The following CKLF variants were observed in gnomAD, a reference collection of about 807,000 sequenced individuals.
CKLF encodes the protein chemokine-like factor.
A neutral mutation model predicts 12.9 loss-of-function variants in CKLF; 16 were observed. The ratio of observed to expected loss-of-function variants is 1.24; its 90% CI spans 0.84 to 1.88. CKLF has a LOEUF of 1.88. CKLF is among the 40% of genes most tolerant of loss of function. The probability of loss-of-function intolerance (pLI) is 0.00; values close to 1 mark genes in which losing one functional copy is unlikely to be tolerated. For synonymous variants in CKLF, 61 were observed against 69.0 expected (o/e 0.88, Z 0.57); for missense variants, 172 against 188.5 (o/e 0.91, Z 0.51).
chr16:66,563,980 A>G (rs2011941955), intron 3 of CKLF, among the ~76,000 whole-genome samples: 2 of 152,242 alleles, frequency 1.3e-5, no homozygotes, highest in Non-Finnish European at 1.5e-5. Flanking sequence ...ACTCTCAGCC[A>G]TATATGTCAG....
At chr16:66,564,291 TG>T (rs1323194713) in intron 3 of CKLF, among the ~76,000 whole-genome samples, 1 of 152,184 alleles carries the variant, frequency 6.6e-6, no homozygotes, top group Non-Finnish European at 1.5e-5. Context: ...ACTGGAAATG[TG>T]GCTAGTCTGA....
downstream of CKLF, chr16:66,566,209 GGGT>G (rs1340014980): frequency 6.6e-7 from 1 of 1,504,550 alleles, no homozygotes; most frequent in Non-Finnish European, 8.8e-7. This position sits in a 1 kb window ranked among gnomAD's most constrained non-coding sequence, Gnocchi z 4.9. Flanking sequence ...ACCCGGGCCT[GGGT>G]GGCAGGGAAG....
chr16:66,564,232 G>A (rs942870535), intron 3 of CKLF, among the ~76,000 whole-genome samples: 1 of 152,132 alleles, frequency 6.6e-6, no homozygotes, highest in Admixed American at 6.5e-5. Context: ...ATAGAGCTGT[G>A]CTATTCAGTA....
intron 2 of CKLF, 117 bp from the exon 3 acceptor site, chr16:66,563,005 T>C (rs1286247887): frequency 3.5e-6 from 4 of 1,137,746 alleles, no homozygotes; most frequent in Non-Finnish European, 5.1e-6. Context: ...CGGGAGCCAG[T>C]GCATTCTGCC....
intron 1 of CKLF, among the ~76,000 whole-genome samples, chr16:66,556,872 A>C (rs1217069899): frequency 6.6e-6 from 1 of 152,228 alleles, no homozygotes; most frequent in Non-Finnish European, 1.5e-5. Context: ...ATATTTTAAA[A>C]GTCTAGCCAG....
At chr16:66,560,073 G>A (rs900670614) in intron 2 of CKLF, among the ~76,000 whole-genome samples, 11 of 152,292 alleles carry the variant, frequency 7.2e-5, no homozygotes, top group Admixed American at 2.0e-4. Flanking sequence ...CCAAGTCACA[G>A]TAGGCTGTGA....
Position 66,552,793 on chromosome 16 carries a change from G to A in CKLF, c.78G>A (p.Leu26=), listed in dbSNP as rs767167250. ...SVKGHVKMLR[L]ALTVTSMTFF... is the part of the protein sequence containing the mutation. Reference sequence around the variant, plus strand: ...AAGGCCACGTGAAGATGCTGCGGCTGGTGAGGCCGGGCCGCGGAGGGCGGG... The same window carrying A: ...AAGGCCACGTGAAGATGCTGCGGCTAGTGAGGCCGGGCCGCGGAGGGCGGG... The change falls in exon 1 of 4, where the codon CTG becomes CTA. Residue 26 remains leucine, a splice_region_variant and synonymous_variant. Transcript: ENST00000264001. 1 of 1,614,014 alleles carries A rather than the reference G, an allele frequency of 6.2e-7. No homozygotes were observed. The highest frequency in any genetic ancestry group is 8.5e-7 in the Non-Finnish European group (1 of 1,179,926).
At chr16:66,555,149 A>G (rs553799857) in intron 1 of CKLF, among the ~76,000 whole-genome samples, 1 of 152,258 alleles carries the variant, frequency 6.6e-6, no homozygotes, top group African/African-American at 2.4e-5. Flanking sequence ...AGGCAGGAGA[A>G]TCACTGGAAC....
At chr16:66,564,717 G>T (rs1454804839) in intron 3 of CKLF, among the ~76,000 whole-genome samples, 1 of 152,194 alleles carries the variant, frequency 6.6e-6, no homozygotes, top group Non-Finnish European at 1.5e-5. Flanking sequence ...TGATCCGCCT[G>T]CCTCGGTCTC....
At chr16:66,554,464 G>A (rs2011331977) in intron 1 of CKLF, among the ~76,000 whole-genome samples, 1 of 152,264 alleles carries the variant, frequency 6.6e-6, no homozygotes, top group African/African-American at 2.4e-5. Context: ...CAAATAATCT[G>A]TGTAATGCCT....
intron 3 of CKLF, 94 bp from the exon 4 acceptor site, chr16:66,565,792 A>C: frequency 8.7e-7 from 1 of 1,146,692 alleles, no homozygotes; most frequent in Non-Finnish European, 1.3e-6. Flanking sequence ...TACCCTAGCA[A>C]GAGAGGAATC....
chr16:66,561,378 T>C (rs950300823), intron 2 of CKLF, among the ~76,000 whole-genome samples: 4 of 152,168 alleles, frequency 2.6e-5, no homozygotes, highest in African/African-American at 9.7e-5. Context: ...TGTAATTAAG[T>C]TTACATTCTA....
chr16:66,566,026 T>G lies in CKLF; in HGVS notation c.*15T>G. 1 of 1,609,068 alleles carries G rather than the reference T, an allele frequency of 6.2e-7. No homozygotes were observed. Among genetic ancestry groups the G allele is most frequent in the Non-Finnish European group, 8.5e-7 (1 of 1,176,042 alleles). On this transcript the variant is annotated 3_prime_UTR_variant, in exon 4 of 4. Transcript: ENST00000264001. The surrounding 1 kb of genome is among the most constrained non-coding windows in gnomAD (Gnocchi z 4.9). Reference sequence around the variant, plus strand: ...AAGTTTTGTAATTTTATATTACTTTTTAGTTTGATACTAAGTATTAAACAT... The same window carrying G: ...AAGTTTTGTAATTTTATATTACTTTGTAGTTTGATACTAAGTATTAAACAT...
chr16:66,563,199 A>G lies in CKLF; in HGVS notation c.315A>G (p.Thr105=), dbSNP rs1448389304. The G allele has an allele frequency of 7.4e-6, 12 of 1,614,120 alleles. No homozygotes were observed. Among genetic ancestry groups the G allele is most frequent in the Non-Finnish European group, 1.0e-5 (12 of 1,180,018 alleles). The part of the protein sequence containing the change: ...SVLALIPETT[T]LTVGGGVFAL... Reference sequence around the variant, plus strand: ...TGGCACTGATACCAGAAACCACAACATTGACAGTTGGTGGAGGGGTAAGTG... The same window carrying G: ...TGGCACTGATACCAGAAACCACAACGTTGACAGTTGGTGGAGGGGTAAGTG... Residue 105 remains threonine, a synonymous_variant, in exon 3 of 4, where the codon ACA becomes ACG. Transcript: ENST00000264001.
intron 3 of CKLF, 174 bp from the exon 4 acceptor site, chr16:66,565,712 T>G: frequency 1.6e-6 from 1 of 644,128 alleles, no homozygotes; most frequent in Non-Finnish European, 2.8e-6. Context: ...AACTTAGCAA[T>G]GAGGAGAATA....
At chr16:66,558,786 T>TG (rs2011552341) in intron 2 of CKLF, among the ~76,000 whole-genome samples, 1 of 152,180 alleles carries the variant, frequency 6.6e-6, no homozygotes, top group Admixed American at 6.5e-5. Flanking sequence ...ATCAAACTAA[T>TG]TGGGGAGGCT....
chr16:66,563,594 A>G (rs1430745929), intron 3 of CKLF, among the ~76,000 whole-genome samples: 1 of 152,224 alleles, frequency 6.6e-6, no homozygotes, highest in Non-Finnish European at 1.5e-5. Context: ...ACAGAAAAGG[A>G]TACATACCAT....
At position 66,558,283 on chromosome 16, in the gene CKLF, T is replaced by C. The variant is rs2011527354; in HGVS notation, c.172T>C (p.Phe58Leu). ...ITGFEVTVILFFILLYVLRLD... is the reference protein window; with the variant it reads ...ITGFEVTVILLFILLYVLRLD... ...TGGATTTGAAGTCACCGTTATCTTA[T>C]TTTTCATACTTTTATATGTACTCAG... Residue 58 changes from phenylalanine to leucine, a missense_variant, in exon 2 of 4, where the codon TTT becomes CTT. Transcript: ENST00000264001. 1.2e-6 allele frequency: 2 copies of C among 1,613,840 alleles called. No homozygotes were observed. Among genetic ancestry groups the C allele is most frequent in the African/African-American group, 1.3e-5 (1 of 74,916 alleles).
intron 1 of CKLF, among the ~76,000 whole-genome samples, chr16:66,555,276 A>G (rs1183415065): frequency 6.6e-6 from 1 of 152,194 alleles, no homozygotes. Flanking sequence ...TGTTAACAGT[A>G]GATTGGTAGG....
Sources: allele counts gnomAD v4.1 joint callset (sites outside exome capture counted in the v4.1 genomes callset), GRCh38; gene constraint gnomAD v4.1.1; non-coding constraint Gnocchi (gnomAD v3.1); transcripts MANE v1.5; gene names NCBI Gene and HGNC (gene_info 2026-07-23, HGNC 2026-07-21).